CALU: variants seen among roughly 807,000 people sequenced by gnomAD.
CALU encodes the protein IEF SSP 9302.
CALU carries 13 observed loss-of-function variants against 37.5 expected under a neutral mutation model. The ratio of observed to expected loss-of-function variants is 0.35; its 90% confidence interval spans 0.23 to 0.55. The LOEUF is 0.55. CALU is among the 20% of genes least tolerant of loss of function. The probability of loss-of-function intolerance (pLI) is 0.89; values close to 1 mark genes in which losing one functional copy is unlikely to be tolerated. For synonymous variants in CALU, 114 were observed against 133.8 expected, an observed-to-expected ratio of 0.85 and a Z score of 1.02; for missense variants, 282 against 391.7, an observed-to-expected ratio of 0.72 and a Z score of 2.36.
intron 1 of CALU, among the ~76,000 whole-genome samples, chr7:128,742,457 T>G (rs339054): frequency 0.53 from 80,165 of 152,128 alleles, 22,424 homozygotes; most frequent in African/African-American, 0.7. Flanking sequence ...TGGTCAACCA[T>G]AATAACTGTT....
At chr7:128,755,195 CTAGA>C (rs1343522250) in intron 3 of CALU, among the ~76,000 whole-genome samples, 1 of 148,496 alleles carries the variant, frequency 6.7e-6, no homozygotes, top group African/African-American at 2.5e-5. Flanking sequence ...CACACCTGTC[CTAGA>C]TACTCAGGAG....
chr7:128,747,525 A>C (rs977697115), intron 1 of CALU: 1 of 149,802 alleles, frequency 6.7e-6, no homozygotes, highest in South Asian at 2.1e-4. Context: ...TCCACTCTCT[A>C]CTGATATGTC....
At position 128,759,845 on chromosome 7, in the gene CALU, G is replaced by A; in HGVS notation, c.636G>A (p.Glu212=). 7.4e-7 allele frequency: 1 copy of A among 1,354,704 alleles called. No homozygotes were observed. The highest frequency in any genetic ancestry group is 1.1e-6 in the Non-Finnish European group (1 of 944,106). 83.9% of individuals were successfully genotyped at this position (1,354,704 alleles called of 1,614,324 possible). The change falls in exon 5 of 7, where the codon GAG becomes GAA. Residue 212 remains glutamate, a synonymous_variant. Transcript: ENST00000249364. Reference sequence around the variant, plus strand: ...CTGATGGTTTCATTGATCTAGAAGAGTATATTGGTAAGTCTCTGCTTTTAG... The same window carrying A: ...CTGATGGTTTCATTGATCTAGAAGAATATATTGGTAAGTCTCTGCTTTTAG... The part of the protein sequence containing the change: ...KNADGFIDLE[E]YIGDMYSHDG...
chr7:128,754,403 C>T lies in CALU; in HGVS notation c.363C>T (p.Asp121=), dbSNP rs755986867. 1.1e-5 allele frequency: 17 copies of T among 1,614,060 alleles called. No homozygotes were observed. Among genetic ancestry groups the T allele is most frequent in the Admixed American group, 6.7e-5 (4 of 59,984 alleles). Residue 121 remains aspartate (D), a synonymous_variant, in exon 3 of 7, where the codon GAC becomes GAT. Transcript: ENST00000249364. ...RQWKGHDLNE[D]GLVSWEEYKN... ...GGAAGGGGCATGACCTCAATGAGGA[C>T]GGCCTCGTTTCCTGGGAGGAGTATA...
intron 5 of CALU, among the ~76,000 whole-genome samples, chr7:128,764,237 G>A (rs1400838675): frequency 6.6e-6 from 1 of 151,944 alleles, no homozygotes; most frequent in Non-Finnish European, 1.5e-5. Flanking sequence ...AGAACAACCT[G>A]GACAACATGG....
At chr7:128,762,898 C>G (rs964885970) in intron 5 of CALU, among the ~76,000 whole-genome samples, 1 of 152,070 alleles carries the variant, frequency 6.6e-6, no homozygotes, top group Non-Finnish European at 1.5e-5. Context: ...AACTCCTGGC[C>G]TCAAGTGATC....
intron 6 of CALU, among the ~76,000 whole-genome samples, 200 bp from the exon 7 acceptor site, chr7:128,768,863 A>AAAAAAAACAAAAAC (rs1554368156): frequency 6.8e-6 from 1 of 148,050 alleles, no homozygotes; most frequent in African/African-American, 2.6e-5. Flanking sequence ...AAAAAAAAAA[A>AAAAAAAACAAAAAC]AAAAACAAGG....
rs761743897 is a variant in CALU, at chr7:128,772,685, T to C, written c.*3518T>C. The C allele has an allele frequency of 6.2e-7, 1 of 1,613,958 alleles. No homozygotes were observed. Among genetic ancestry groups the C allele is most frequent in the Non-Finnish European group, 8.5e-7 (1 of 1,179,870 alleles). On this transcript the variant is annotated 3_prime_UTR_variant, in exon 7 of 7. Coordinates refer to ENST00000249364, the MANE Select transcript of CALU (RefSeq NM_001219.5). ...CTGGAGAGAAAGGTACAATTGGAGA[T>C]AACCTTGGCAGATGAGGAAGTATGG...
chr7:128,768,983 C>G, intron 6 of CALU, 80 bp from the exon 7 acceptor site: 1 of 785,024 alleles, frequency 1.3e-6, no homozygotes. Context: ...CTGATTAACC[C>G]CAATTCTTCT....
rs1435475696 is a variant in CALU at position 128,771,813 on chromosome 7, T to C, written c.*2646T>C. 2 of 152,392 alleles carry C rather than the reference T, an allele frequency of 1.3e-5. No individual in the cohort carries two copies. The highest frequency in any genetic ancestry group is 4.8e-5 in the African/African-American group (2 of 41,470). 9.4% of individuals were successfully genotyped at this position (152,392 alleles called of 1,614,324 possible). The stretch of plus-strand genomic sequence containing the variant: ...GGTAAAACAATTTTGTTTAACATTT[T>C]GGTATTGTTTACAAATGTTATTAAA... On this transcript the variant is annotated 3_prime_UTR_variant, in exon 7 of 7. Coordinates refer to ENST00000249364, the MANE Select transcript of CALU (RefSeq NM_001219.5).
intron 3 of CALU, among the ~76,000 whole-genome samples, chr7:128,755,085 G>T (rs1268026567): frequency 2.0e-5 from 3 of 150,688 alleles, no homozygotes; most frequent in Non-Finnish European, 4.4e-5. Context: ...CAGGAGGATT[G>T]CCTGGGCCCA....
intron 5 of CALU, among the ~76,000 whole-genome samples, chr7:128,762,535 T>C (rs1311863954): frequency 6.7e-6 from 1 of 149,962 alleles, no homozygotes; most frequent in African/African-American, 2.5e-5. Context: ...AATTTAGCAT[T>C]AAAAAGAAGC....
At chr7:128,747,148 G>T (rs1438292186) in intron 1 of CALU, among the ~76,000 whole-genome samples, 4 of 151,920 alleles carry the variant, frequency 2.6e-5, no homozygotes, top group African/African-American at 9.7e-5. Context: ...TTTGTTTTCC[G>T]ATTTTTTAAT....
intron 6 of CALU, 148 bp from the exon 7 acceptor site, chr7:128,768,915 G>A (rs1350334713): frequency 2.0e-6 from 1 of 505,198 alleles, no homozygotes; most frequent in East Asian, 3.3e-5. Context: ...TATGTATGTA[G>A]GGGGAATGAG....
At chr7:128,744,795 A>G (rs1057078449) in intron 1 of CALU, among the ~76,000 whole-genome samples, 12 of 152,186 alleles carry the variant, frequency 7.9e-5, no homozygotes, top group Non-Finnish European at 1.6e-4. Flanking sequence ...GATTGACAGA[A>G]TGGAGGAGCC....
chr7:128,755,956 A>G (rs1336304626), intron 3 of CALU, among the ~76,000 whole-genome samples: 1 of 152,178 alleles, frequency 6.6e-6, no homozygotes, highest in African/African-American at 2.4e-5. Context: ...TAATTACAGG[A>G]CTGCATGCAT....
intron 1 of CALU, among the ~76,000 whole-genome samples, chr7:128,746,400 C>T (rs911143240): frequency 5.9e-5 from 9 of 152,072 alleles, no homozygotes; most frequent in Non-Finnish European, 1.2e-4. Context: ...TCAAGTGATC[C>T]TCCCGCCTCG....
chr7:128,740,569 A>T (rs1372671445), intron 1 of CALU, among the ~76,000 whole-genome samples: 2 of 149,090 alleles, frequency 1.3e-5, no homozygotes, highest in African/African-American at 4.9e-5. Flanking sequence ...TATAATCCAA[A>T]TGAGGGACCA....
chr7:128,769,047 CTA>C lies in CALU; in HGVS notation c.844-14_844-13del. 7.1e-7 allele frequency: 1 copy of C among 1,404,870 alleles called. No homozygotes were observed. Among genetic ancestry groups the C allele is most frequent in the Non-Finnish European group, 1.0e-6 (1 of 990,334 alleles). 87.0% of individuals were successfully genotyped at this position (1,404,870 alleles called of 1,614,324 possible). A position where few individuals can be genotyped will look rare whatever the true frequency, so the allele number is the denominator to read the frequency against. On this transcript the variant is annotated splice_polypyrimidine_tract_variant and intron_variant, in intron 6 of 6. Coordinates refer to ENST00000249364, the MANE Select transcript of CALU (RefSeq NM_001219.5). ...AAATATGTTCTTCTTCAATTCATTGCTATCTCTACTTTCAGGATGGCAAGCTT... is the reference window on the plus strand; with the variant it reads ...AAATATGTTCTTCTTCAATTCATTGCTCTCTACTTTCAGGATGGCAAGCTT...
Sources: allele counts gnomAD v4.1 joint callset (sites outside exome capture counted in the v4.1 genomes callset), GRCh38; gene constraint gnomAD v4.1.1; transcripts MANE v1.5; gene names NCBI Gene and HGNC (gene_info 2026-07-23, HGNC 2026-07-21).